Variants in ARHGAP44 observed in about 807,000 individuals in gnomAD.
The protein encoded by ARHGAP44 is Rho GTPase activating protein 44, also known as rho GTPase-activating protein 44.
Under a neutral mutation model 106.8 loss-of-function variants are expected in ARHGAP44, and 43 were observed. The ratio of observed to expected loss-of-function variants is 0.40; its 90% CI spans 0.32 to 0.52. The LOEUF (loss-of-function observed/expected upper bound fraction) is 0.52. Among genes scored for constraint, ARHGAP44 ranks in the 20% least tolerant of loss-of-function variants. The pLI is 0.48. For synonymous variants in ARHGAP44, 439 were observed against 410.3 expected, an observed-to-expected ratio of 1.07 and a Z score of -0.85; for missense variants, 866 against 1,050.5, an observed-to-expected ratio of 0.82 and a Z score of 2.43.
chr17:12,883,806 TAATA>T (rs2036805327), intron 1 of ARHGAP44, among the ~76,000 whole-genome samples: 1 of 152,276 alleles, frequency 6.6e-6, no homozygotes, highest in South Asian at 2.1e-4. Context: ...TAAATCAATC[TAATA>T]AATCTTGCTA....
intron 1 of ARHGAP44, among the ~76,000 whole-genome samples, chr17:12,839,360 C>T (rs1478352432): frequency 6.6e-6 from 1 of 152,200 alleles, no homozygotes; most frequent in Non-Finnish European, 1.5e-5. Context: ...GCTATCTCCT[C>T]GGTCACCCTG....
At chr17:12,795,616 A>G (rs2033895704) in intron 1 of ARHGAP44, among the ~76,000 whole-genome samples, 1 of 151,266 alleles carries the variant, frequency 6.6e-6, no homozygotes, top group African/African-American at 2.4e-5. Flanking sequence ...CTGGTAATTT[A>G]TGGTCATTCC....
chr17:12,964,115 GA>G (rs2039333755), intron 16 of ARHGAP44, among the ~76,000 whole-genome samples: 1 of 152,152 alleles, frequency 6.6e-6, no homozygotes, highest in Admixed American at 6.5e-5. Context: ...CTCTTTCTTA[GA>G]AAGTTTTGGG....
chr17:12,977,921 C>G (rs1477163152), intron 18 of ARHGAP44, among the ~76,000 whole-genome samples: 1 of 150,794 alleles, frequency 6.6e-6, no homozygotes, highest in Non-Finnish European at 1.5e-5. Flanking sequence ...GCCTTTAATC[C>G]TAGCTACTTG....
chr17:12,825,967 C>T (rs556801235), intron 1 of ARHGAP44, among the ~76,000 whole-genome samples: 6 of 152,278 alleles, frequency 3.9e-5, no homozygotes, highest in African/African-American at 1.2e-4. Flanking sequence ...GCTATAAGGA[C>T]TGTTCTTTGG....
At chr17:12,827,223 G>A (rs1158047026) in intron 1 of ARHGAP44, among the ~76,000 whole-genome samples, 1 of 151,876 alleles carries the variant, frequency 6.6e-6, no homozygotes, top group African/African-American at 2.4e-5. Flanking sequence ...ATGTATTGTT[G>A]TTTTGGTTAT....
At position 12,980,168 on chromosome 17, in the gene ARHGAP44, A is replaced by G. The variant is rs1567722480; in HGVS notation, c.1874A>G (p.Gln625Arg). The stretch of plus-strand genomic sequence containing the variant: ...CAACCAGGGGCTCAACCTGGAGCTC[A>G]GCCGGGCGCCAGCCCCAGCCCCAGC... ...GTQPGAQPGA[Q>R]PGASPSPSQP... Residue 625 changes from glutamine to arginine, a missense_variant, in exon 19 of 21, where the codon CAG becomes CGG. Physicochemically the swap from Gln to Arg is conservative, Grantham distance 43. This residue lies in a region of ARHGAP44 where 418 missense variants were observed against 403.6 expected (regional missense o/e 1.04). Coordinates refer to ENST00000379672, the MANE Select transcript of ARHGAP44 (RefSeq NM_014859.6). The G allele has an allele frequency of 6.2e-7, 1 of 1,613,356 alleles. No individual in the cohort carries two copies. The highest frequency in any genetic ancestry group is 1.7e-5 in the Admixed American group (1 of 60,004).
At chr17:12,875,129 G>T (rs556247515) in intron 1 of ARHGAP44, among the ~76,000 whole-genome samples, 21 of 152,294 alleles carry the variant, frequency 1.4e-4, no homozygotes, top group African/African-American at 5.1e-4. Context: ...AACACAGATT[G>T]CTTGACCCCA....
At chr17:12,867,305 G>C (rs989823269) in intron 1 of ARHGAP44, among the ~76,000 whole-genome samples, 6 of 152,024 alleles carry the variant, frequency 3.9e-5, no homozygotes, top group African/African-American at 1.5e-4. Context: ...GAGGTGATCA[G>C]GGAAGAGCAG....
intron 10 of ARHGAP44, among the ~76,000 whole-genome samples, chr17:12,948,185 A>G (rs1267506280): frequency 6.6e-6 from 1 of 152,200 alleles, no homozygotes; most frequent in East Asian, 1.9e-4. Flanking sequence ...TCTCTTCCAC[A>G]CAGCCCTCTC....
intron 1 of ARHGAP44, among the ~76,000 whole-genome samples, chr17:12,828,666 G>C (rs1291034107): frequency 8.7e-6 from 1 of 114,702 alleles, no homozygotes; most frequent in Non-Finnish European, 1.6e-5. Flanking sequence ...TTTAAAGACA[G>C]AGTCTCTCTC....
Position 12,991,311 on chromosome 17 carries a change from T to C in ARHGAP44, c.*1140T>C, listed in dbSNP as rs1041632209. The C allele has an allele frequency of 6.5e-6, 1 of 152,784 alleles. No homozygotes were observed. The highest frequency in any genetic ancestry group is 2.4e-5 in the African/African-American group (1 of 41,456). The allele number at this position is 152,784 out of a possible 1,614,324, so 9.5% of individuals were successfully genotyped here. A position where few individuals can be genotyped will look rare whatever the true frequency, so the allele number is the denominator to read the frequency against. ...TATCCTTTTCAAATAGATGATATAA[T>C]ATACCTATACATGATATAATATTTG... is the stretch of plus-strand genomic sequence containing the variant. On this transcript the variant is annotated 3_prime_UTR_variant, in exon 21 of 21. Coordinates refer to ENST00000379672, the MANE Select transcript of ARHGAP44 (RefSeq NM_014859.6).
At chr17:12,801,362 A>G (rs987752225) in intron 1 of ARHGAP44, among the ~76,000 whole-genome samples, 1 of 152,204 alleles carries the variant, frequency 6.6e-6, no homozygotes, top group Non-Finnish European at 1.5e-5. Context: ...TATCCTCCCA[A>G]CAACTCTTAA....
intron 1 of ARHGAP44, among the ~76,000 whole-genome samples, chr17:12,827,120 C>G (rs1337787536): frequency 6.6e-6 from 1 of 152,132 alleles, no homozygotes; most frequent in Non-Finnish European, 1.5e-5. Context: ...CATTTTTGGT[C>G]TCTGTAACCC....
At chr17:12,905,609 T>C (rs1213206458) in intron 3 of ARHGAP44, among the ~76,000 whole-genome samples, 1 of 152,296 alleles carries the variant, frequency 6.6e-6, no homozygotes, top group African/African-American at 2.4e-5. Context: ...GACAGGATAA[T>C]CTGACTAGTC....
intron 1 of ARHGAP44, among the ~76,000 whole-genome samples, chr17:12,802,921 G>C (rs1597861346): frequency 1.1e-5 from 1 of 92,718 alleles, no homozygotes; most frequent in Non-Finnish European, 2.0e-5. Flanking sequence ...ACCATACCTG[G>C]CTAATTTATA....
chr17:12,989,100 CCAAAA>C (rs1341012238), intron 20 of ARHGAP44, among the ~76,000 whole-genome samples: 41 of 32,028 alleles, frequency 1.3e-3, no homozygotes, highest in African/African-American at 3.1e-3. Context: ...TCCACCCCCC[CCAAAA>C]AAAAAAAAAA....
chr17:12,961,087 G>A (rs889472404), intron 16 of ARHGAP44, among the ~76,000 whole-genome samples: 1 of 152,146 alleles, frequency 6.6e-6, no homozygotes, highest in Non-Finnish European at 1.5e-5. Flanking sequence ...CTACCCCAAA[G>A]TGTGCCCCTC....
rs186375428 is a variant in ARHGAP44 at position 12,957,572 on chromosome 17, T to A, written c.1342+826T>A. 2.0e-5 allele frequency among the ~76,000 whole-genome samples: 3 copies of A among 152,234 alleles called. No homozygotes were observed. In the East Asian group the frequency reaches 5.8e-4, roughly 29 times the overall value. ...GTCCCTCAGCATGTGAAGGTGGGGCTCAATCTCAAAGGCAATGAGATTCTT... is the reference window on the plus strand; with the variant it reads ...GTCCCTCAGCATGTGAAGGTGGGGCACAATCTCAAAGGCAATGAGATTCTT... On this transcript the variant is annotated intron_variant, in intron 15 of 20. Transcript: ENST00000379672.
Sources: gnomAD v4.1 joint callset for allele counts (sites outside exome capture counted in the v4.1 genomes callset) on GRCh38, gnomAD v4.1.1 for gene constraint, gnomAD v4.1.1 regional missense constraint, MANE v1.5 for transcripts, NCBI Gene and HGNC (gene_info 2026-07-23, HGNC 2026-07-21) for gene names.